Variants in SUCLG2 observed in about 807,000 individuals in gnomAD.
SUCLG2 encodes the protein succinate-CoA ligase GDP-forming subunit beta, also known as succinate--CoA ligase [GDP-forming] subunit beta, mitochondrial.
A neutral mutation model predicts 47.9 loss-of-function variants in SUCLG2; 42 were observed. The ratio of observed to expected loss-of-function variants is 0.88; its 90% CI spans 0.69 to 1.14. The LOEUF is 1.14. SUCLG2 is among the 50% of genes most tolerant of loss of function. The probability of loss-of-function intolerance (pLI) is 0.00; values close to 1 mark genes in which losing one functional copy is unlikely to be tolerated. For synonymous variants in SUCLG2, 195 were observed against 197.3 expected, an observed-to-expected ratio of 0.99 and a Z score of 0.10; for missense variants, 571 against 525.9, an observed-to-expected ratio of 1.09 and a Z score of -0.84.
intron 2 of SUCLG2, among the ~76,000 whole-genome samples, chr3:67,546,086 C>A (rs932044878): frequency 1.3e-5 from 2 of 152,194 alleles, no homozygotes; most frequent in Non-Finnish European, 2.9e-5. Context: ...CTTTCTGCAT[C>A]TTATTTTTCA....
chr3:67,538,743 G>C (rs142720153), intron 2 of SUCLG2, among the ~76,000 whole-genome samples: 230 of 152,242 alleles, frequency 1.5e-3, no homozygotes, highest in African/African-American at 5.3e-3. Context: ...CTTGAGCAGT[G>C]GTTTGTAGTC....
At chr3:67,520,120 C>T (rs189748098) in intron 5 of SUCLG2, among the ~76,000 whole-genome samples, 47 of 152,086 alleles carry the variant, frequency 3.1e-4, no homozygotes, top group Non-Finnish European at 3.5e-4. Context: ...AGAGAATTTC[C>T]GGATCATATA....
intron 5 of SUCLG2, among the ~76,000 whole-genome samples, chr3:67,518,759 A>G (rs1706019482): frequency 6.6e-6 from 1 of 152,212 alleles, no homozygotes; most frequent in South Asian, 2.1e-4. Context: ...TCTATTGATG[A>G]TAATTATTAC....
intron 9 of SUCLG2, among the ~76,000 whole-genome samples, chr3:67,422,460 C>A (rs1323028747): frequency 1.7e-5 from 1 of 58,602 alleles, no homozygotes; most frequent in Non-Finnish European, 3.3e-5. Flanking sequence ...GGTGACAGAG[C>A]GAGACTCCAT....
chr3:67,631,050 G>T (rs1349558539), intron 1 of SUCLG2, among the ~76,000 whole-genome samples: 2 of 152,216 alleles, frequency 1.3e-5, no homozygotes, highest in Non-Finnish European at 1.5e-5. Context: ...TAAACTTCTT[G>T]AGAGTCCAGA....
At chr3:67,418,262 T>C (rs1255324971) in intron 9 of SUCLG2, among the ~76,000 whole-genome samples, 1 of 152,218 alleles carries the variant, frequency 6.6e-6, no homozygotes, top group Non-Finnish European at 1.5e-5. Context: ...AAGTGGTAAG[T>C]ACTTATTAGC....
intron 1 of SUCLG2, among the ~76,000 whole-genome samples, chr3:67,637,299 A>T (rs1186429648): frequency 6.6e-6 from 1 of 152,208 alleles, no homozygotes; most frequent in East Asian, 1.9e-4. Flanking sequence ...CTCTAATTAG[A>T]TTCAGGAATA....
intron 10 of SUCLG2, among the ~76,000 whole-genome samples, chr3:67,392,359 G>A (rs571260259): frequency 7.2e-5 from 11 of 152,282 alleles, no homozygotes; most frequent in African/African-American, 1.7e-4. Context: ...CCATGCTGCC[G>A]TCAAGCCTCA....
chr3:67,492,275 T>C (rs553914036), intron 9 of SUCLG2, among the ~76,000 whole-genome samples: 3 of 152,206 alleles, frequency 2.0e-5, no homozygotes, highest in Non-Finnish European at 4.4e-5. Context: ...GTCCTTTCCT[T>C]GTATTCACTT....
chr3:67,587,738 G>A (rs1170303157), intron 2 of SUCLG2, among the ~76,000 whole-genome samples: 2 of 152,082 alleles, frequency 1.3e-5, no homozygotes, highest in African/African-American at 2.4e-5. Flanking sequence ...AAACCAGAAC[G>A]ACTGTCAAAT....
chr3:67,423,657 C>T (rs1703228220), intron 9 of SUCLG2, among the ~76,000 whole-genome samples: 1 of 152,088 alleles, frequency 6.6e-6, no homozygotes, highest in Admixed American at 6.5e-5. Flanking sequence ...TTTCTCTTAC[C>T]CCCTGCTCTA....
intron 9 of SUCLG2, among the ~76,000 whole-genome samples, chr3:67,480,051 G>GT (rs535699944): frequency 2.6e-3 from 401 of 152,250 alleles, no homozygotes; most frequent in African/African-American, 9.2e-3. Context: ...GTTATAAAGC[G>GT]TATGGGGAAG....
chr3:67,468,063 T>G (rs1458679079), intron 9 of SUCLG2, among the ~76,000 whole-genome samples: 1 of 152,076 alleles, frequency 6.6e-6, no homozygotes, highest in African/African-American at 2.4e-5. Flanking sequence ...GGCCGGGTGG[T>G]GTCAAATTCT....
chr3:67,438,252 G>A (rs1448798115), intron 9 of SUCLG2, among the ~76,000 whole-genome samples: 2 of 152,150 alleles, frequency 1.3e-5, no homozygotes, highest in African/African-American at 4.8e-5. Context: ...GAAATTTATA[G>A]TACTAAATGC....
chr3:67,568,849 T>C (rs1292864218), intron 2 of SUCLG2, among the ~76,000 whole-genome samples: 1 of 152,094 alleles, frequency 6.6e-6, no homozygotes, highest in East Asian at 1.9e-4. Context: ...ATCGCGCCAC[T>C]GCACTCCAGC....
At chr3:67,481,612 T>C (rs1225392899) in intron 9 of SUCLG2, among the ~76,000 whole-genome samples, 3 of 152,232 alleles carry the variant, frequency 2.0e-5, no homozygotes, top group South Asian at 4.1e-4. Context: ...TTCTGATTAG[T>C]AAGCCTTCAC....
intron 2 of SUCLG2, among the ~76,000 whole-genome samples, chr3:67,598,397 AC>A (rs1708342051): frequency 6.6e-6 from 1 of 152,206 alleles, no homozygotes; most frequent in Non-Finnish European, 1.5e-5. Flanking sequence ...AATGGAGACA[AC>A]TTTGAGAGTA....
intron 9 of SUCLG2, among the ~76,000 whole-genome samples, chr3:67,439,285 T>C (rs1703699764): frequency 6.6e-6 from 1 of 152,168 alleles, no homozygotes; most frequent in Non-Finnish European, 1.5e-5. Context: ...AATATCACAC[T>C]GAATGGGCAA....
chr3:67,489,580 G>T (rs981717998), intron 9 of SUCLG2, among the ~76,000 whole-genome samples: 4 of 152,016 alleles, frequency 2.6e-5, no homozygotes, highest in Admixed American at 2.6e-4. Flanking sequence ...AGAAATGCAG[G>T]GTAGTCATTT....
Sources: allele counts gnomAD v4.1 joint callset (sites outside exome capture counted in the v4.1 genomes callset), GRCh38; gene constraint gnomAD v4.1.1; transcripts MANE v1.5; gene names NCBI Gene and HGNC (gene_info 2026-07-23, HGNC 2026-07-21).